GRIA4: variants seen among roughly 807,000 people sequenced by gnomAD.
GRIA4 encodes glutamate ionotropic receptor AMPA type subunit 4.
In GRIA4, 34 loss-of-function variants were observed where a neutral mutation model predicts 104.0. The ratio of observed to expected loss-of-function variants is 0.33; its 90% CI spans 0.25 to 0.44. The LOEUF (loss-of-function observed/expected upper bound fraction) is 0.44, where lower values mean the gene tolerates loss of function less well. Ranked by LOEUF, GRIA4 falls within the 20% of genes least tolerant of loss-of-function variation. The pLI is 1.00. For missense variants in GRIA4, 750 were observed against 1,096.5 expected (o/e 0.68, Z 4.46); for synonymous variants, 386 against 381.9 (o/e 1.01, Z -0.13).
At chr11:105,765,832 C>T (rs986026754) in intron 4 of GRIA4, among the ~76,000 whole-genome samples, 1 of 152,176 alleles carries the variant, frequency 6.6e-6, no homozygotes, top group Non-Finnish European at 1.5e-5. Context: ...TAGCCCCTAA[C>T]TTGGAGGAGC....
chr11:105,656,745 T>C (rs1385679968), intron 3 of GRIA4, among the ~76,000 whole-genome samples: 1 of 152,070 alleles, frequency 6.6e-6, no homozygotes, highest in Admixed American at 6.6e-5. Context: ...TGATCAGAAA[T>C]ATATGTGTTT....
intron 4 of GRIA4, among the ~76,000 whole-genome samples, chr11:105,840,223 C>T (rs1944343958): frequency 6.6e-6 from 1 of 152,066 alleles, no homozygotes; most frequent in Non-Finnish European, 1.5e-5. Context: ...TTTTTTTAGG[C>T]CATACATTTT....
At chr11:105,799,067 T>C (rs1054866389) in intron 4 of GRIA4, among the ~76,000 whole-genome samples, 3 of 152,068 alleles carry the variant, frequency 2.0e-5, no homozygotes, top group African/African-American at 7.2e-5. Context: ...GGCACTCTGA[T>C]CCTTAGAGAT....
chr11:105,705,406 C>G (rs892515096), intron 3 of GRIA4, among the ~76,000 whole-genome samples: 1 of 151,928 alleles, frequency 6.6e-6, no homozygotes, highest in Non-Finnish European at 1.5e-5. Context: ...GGAGATAAAA[C>G]AAGAATAAAC....
chr11:105,633,625 A>AAAAT (rs1190960405), intron 3 of GRIA4, among the ~76,000 whole-genome samples: 1 of 152,194 alleles, frequency 6.6e-6, no homozygotes, highest in African/African-American at 2.4e-5. Flanking sequence ...TTTATCAAAG[A>AAAAT]GTCTATAGAT....
intron 3 of GRIA4, among the ~76,000 whole-genome samples, chr11:105,635,232 T>A (rs574359286): frequency 1.3e-5 from 2 of 152,110 alleles, no homozygotes; most frequent in Non-Finnish European, 2.9e-5. Flanking sequence ...ACTGGGGAAA[T>A]TAACCTCTCT....
chr11:105,824,435 A>G (rs1018924944), intron 4 of GRIA4, among the ~76,000 whole-genome samples: 24 of 151,970 alleles, frequency 1.6e-4, no homozygotes, highest in Admixed American at 1.6e-3. Context: ...AGCTTATTCC[A>G]CTATCACAAA....
At chr11:105,802,825 T>C (rs1942780409) in intron 4 of GRIA4, among the ~76,000 whole-genome samples, 2 of 151,900 alleles carry the variant, frequency 1.3e-5, no homozygotes, top group Non-Finnish European at 2.9e-5. Flanking sequence ...CATATTGTTA[T>C]ACTTTTAAAA....
intron 4 of GRIA4, among the ~76,000 whole-genome samples, chr11:105,789,261 T>A (rs966744013): frequency 6.6e-6 from 1 of 152,108 alleles, no homozygotes; most frequent in Non-Finnish European, 1.5e-5. Flanking sequence ...AAAATAGTAG[T>A]CATATGCTTC....
At chr11:105,691,634 CAT>C (rs1953086744) in intron 3 of GRIA4, among the ~76,000 whole-genome samples, 3 of 151,906 alleles carry the variant, frequency 2.0e-5, no homozygotes, top group South Asian at 4.2e-4. Flanking sequence ...AATGCCAACA[CAT>C]GTTAAAAAGT....
intron 3 of GRIA4, among the ~76,000 whole-genome samples, chr11:105,678,275 T>G (rs1952604373): frequency 6.6e-6 from 1 of 152,026 alleles, no homozygotes; most frequent in African/African-American, 2.4e-5. Context: ...TGCCCCTACT[T>G]TAAGATAAAT....
intron 4 of GRIA4, among the ~76,000 whole-genome samples, chr11:105,854,267 T>C (rs1944930082): frequency 6.6e-6 from 1 of 152,044 alleles, no homozygotes; most frequent in Non-Finnish European, 1.5e-5. Flanking sequence ...GAGCTGAAAT[T>C]TTAGATAAAG....
Position 105,629,101 on chromosome 11 carries a change from G to A in GRIA4, c.247+16667G>A, listed in dbSNP as rs571489120. Among the ~76,000 whole-genome samples the A allele has an allele frequency of 2.6e-3, 362 of 140,660 alleles. 1 individual carries two copies. Among genetic ancestry groups the A allele is most frequent in the African/African-American group, 8.7e-3 (341 of 38,974 alleles). 92.3% of individuals were successfully genotyped at this position (140,660 alleles called of 152,430 possible). A position where few individuals can be genotyped will look rare whatever the true frequency, so the allele number is the denominator to read the frequency against. ...ACCAAAAAAAAAAAAAAAAATTAGC[G>A]TGGCTGCCACTGCTATATAGTCCCA... On this transcript the variant is annotated intron_variant, in intron 3 of 16. Transcript: ENST00000282499.
At chr11:105,633,905 T>C (rs538348247) in intron 3 of GRIA4, among the ~76,000 whole-genome samples, 7 of 152,270 alleles carry the variant, frequency 4.6e-5, no homozygotes, top group African/African-American at 1.7e-4. Context: ...ACTAACCTGG[T>C]GCTTAGTGCA....
chr11:105,699,805 C>T (rs749919796), intron 3 of GRIA4, among the ~76,000 whole-genome samples: 1 of 152,070 alleles, frequency 6.6e-6, no homozygotes, highest in Non-Finnish European at 1.5e-5. Context: ...GTAGTAACTA[C>T]ACAACTCTTT....
chr11:105,950,086 T>C (rs1948422619), intron 14 of GRIA4, among the ~76,000 whole-genome samples: 1 of 152,180 alleles, frequency 6.6e-6, no homozygotes. Flanking sequence ...TTGAGAAAGC[T>C]TGAATGTCAG....
chr11:105,904,805 G>T (rs1451648876), intron 8 of GRIA4, among the ~76,000 whole-genome samples: 1 of 151,992 alleles, frequency 6.6e-6, no homozygotes, highest in African/African-American at 2.4e-5. Context: ...TATTAGCAAG[G>T]TGAGAATATG....
chr11:105,797,478 C>A (rs543695563), intron 4 of GRIA4, among the ~76,000 whole-genome samples: 1 of 152,210 alleles, frequency 6.6e-6, no homozygotes, highest in Admixed American at 6.5e-5. Flanking sequence ...TACACTCTAG[C>A]TTTCAAATTA....
At chr11:105,910,586 A>G (rs368379508) in intron 10 of GRIA4, 41 bp downstream of exon 10, 11 of 1,074,128 alleles carry the variant, frequency 1.0e-5, no homozygotes, top group Non-Finnish European at 1.5e-5. Context: ...CGTTTTGTCC[A>G]CAGGCAATTT....
Sources: allele counts gnomAD v4.1 joint callset (sites outside exome capture counted in the v4.1 genomes callset), GRCh38; gene constraint gnomAD v4.1.1; transcripts MANE v1.5; gene names NCBI Gene and HGNC (gene_info 2026-07-23, HGNC 2026-07-21).